The following RYR2 variants were observed in gnomAD, a reference collection of about 807,000 sequenced individuals.
RYR2 encodes ryanodine receptor 2.
In RYR2, 227 loss-of-function variants were observed where a neutral mutation model predicts 601.1. The observed-to-expected ratio is 0.38, with a 90% CI of 0.34 to 0.42. The LOEUF is 0.42. RYR2 is among the 10% of genes least tolerant of loss of function. RYR2 has a pLI of 1.00. For synonymous variants in RYR2, 2,223 were observed against 2,175.1 expected (o/e 1.02, Z -0.61); for missense variants, 4,646 against 6,156.5 (o/e 0.75, Z 8.21).
At chr1:237,226,164 A>G (rs1449349138) in intron 1 of RYR2, among the ~76,000 whole-genome samples, 1 of 152,210 alleles carries the variant, frequency 6.6e-6, no homozygotes, top group Non-Finnish European at 1.5e-5. Flanking sequence ...GGAAGGGTTA[A>G]TGATGTTCAG....
intron 1 of RYR2, among the ~76,000 whole-genome samples, chr1:237,098,077 C>A (rs2148498664): frequency 6.6e-6 from 1 of 152,098 alleles, no homozygotes; most frequent in Non-Finnish European, 1.5e-5. Context: ...TATTAATTTC[C>A]CGTAGGAATG....
intron 25 of RYR2, among the ~76,000 whole-genome samples, chr1:237,534,092 C>T (rs764204789): frequency 6.6e-6 from 1 of 152,022 alleles, no homozygotes; most frequent in Non-Finnish European, 1.5e-5. Flanking sequence ...AGAGGTACAT[C>T]AATAACTTTA....
chr1:237,254,498 C>T (rs16835048), intron 1 of RYR2, among the ~76,000 whole-genome samples: 24,003 of 152,108 alleles, frequency 0.16, 2,191 homozygotes, highest in East Asian at 0.34. Context: ...ATGGAATAAT[C>T]GTACACAGTG....
chr1:237,050,796 C>T (rs557310937), intron 1 of RYR2, among the ~76,000 whole-genome samples: 58 of 152,220 alleles, frequency 3.8e-4, no homozygotes, highest in Non-Finnish European at 7.4e-4. Flanking sequence ...AAAATGAAGC[C>T]GAACAGCACA....
rs9699908 is a variant in RYR2 at position 237,092,530 on chromosome 1, T to C, written c.48+49961T>C. Reference sequence around the variant, plus strand: ...ACAGATAGTCTTTTTTTTTTTTTTTTCCTTTTTTTTTGAGACAGAGTCTCA... The same window carrying C: ...ACAGATAGTCTTTTTTTTTTTTTTTCCCTTTTTTTTTGAGACAGAGTCTCA... On this transcript the variant is annotated intron_variant, in intron 1 of 104. Coordinates refer to ENST00000366574, the MANE Select transcript of RYR2 (RefSeq NM_001035.3). Among the ~76,000 whole-genome samples the C allele has an allele frequency of 2.8e-4, 31 of 111,542 alleles. 1 individual carries two copies. Among genetic ancestry groups the C allele is most frequent in the Admixed American group, 1.2e-3 (14 of 11,384 alleles). 73.2% of individuals were successfully genotyped at this position (111,542 alleles called of 152,430 possible).
chr1:237,786,571 T>G (rs1657603792), intron 91 of RYR2, among the ~76,000 whole-genome samples: 1 of 152,226 alleles, frequency 6.6e-6, no homozygotes, highest in African/African-American at 2.4e-5. Context: ...GTGTGGGGCC[T>G]GGGAGCCTTC....
intron 25 of RYR2, among the ~76,000 whole-genome samples, chr1:237,531,011 T>G (rs1334157498): frequency 6.6e-6 from 1 of 152,162 alleles, no homozygotes; most frequent in Admixed American, 6.5e-5. Flanking sequence ...CATTGCTGAG[T>G]GATGAAACAA....
rs1021373903 is a variant in RYR2 at position 237,830,463 on chromosome 1, G to A, written c.14656-67G>A. 13 of 924,992 alleles carry A rather than the reference G, an allele frequency of 1.4e-5. No individual in the cohort carries two copies. The African/African-American group carries it at 2.1e-4, about 15-fold the overall frequency. 57.3% of individuals were successfully genotyped at this position (924,992 alleles called of 1,614,324 possible). A position where few individuals can be genotyped will look rare whatever the true frequency, so the allele number is the denominator to read the frequency against. ...ACCAAATAATAGCTGCCCCTACATG[G>A]CGAGTTGTGTTTTCCTTTTGTTTTG... On this transcript the variant is annotated intron_variant, in intron 102 of 104. Transcript: ENST00000366574.
chr1:237,542,441 C>G (rs1669398255), intron 25 of RYR2, among the ~76,000 whole-genome samples: 1 of 152,092 alleles, frequency 6.6e-6, no homozygotes, highest in Non-Finnish European at 1.5e-5. Flanking sequence ...GATTTATGCC[C>G]CTCTTATTAC....
At chr1:237,152,563 G>T (rs969674937) in intron 1 of RYR2, among the ~76,000 whole-genome samples, 3 of 152,112 alleles carry the variant, frequency 2.0e-5, no homozygotes, top group Non-Finnish European at 1.5e-5. Context: ...GCATGAGATA[G>T]TATCTCATTG....
At position 237,787,878 on chromosome 1, in the gene RYR2, A is replaced by G; in HGVS notation, c.13329-110A>G. The G allele has an allele frequency of 2.1e-5, 22 of 1,062,026 alleles. No homozygotes were observed. The South Asian group carries it at 3.1e-4, about 15-fold the overall frequency. 65.8% of individuals were successfully genotyped at this position (1,062,026 alleles called of 1,614,324 possible). On this transcript the variant is annotated intron_variant, in intron 91 of 104. Coordinates refer to ENST00000366574, the MANE Select transcript of RYR2 (RefSeq NM_001035.3). Reference sequence around the variant, plus strand: ...TTCACCGGAAAAGAAATTAGTTTTCAAAAGTAATATGATGGCCTAAAATAT... The same window carrying G: ...TTCACCGGAAAAGAAATTAGTTTTCGAAAGTAATATGATGGCCTAAAATAT...
At chr1:237,270,357 G>C in intron 1 of RYR2, 140 bp from the exon 2 acceptor site, 1 of 1,215,430 alleles carries the variant, frequency 8.2e-7, no homozygotes, top group Non-Finnish European at 1.2e-6. Flanking sequence ...GGTTTCTTTT[G>C]GTTGTTTTTT....
At chr1:237,604,190 A>G (rs963454919) in intron 35 of RYR2, among the ~76,000 whole-genome samples, 2 of 152,184 alleles carry the variant, frequency 1.3e-5, no homozygotes, top group Non-Finnish European at 2.9e-5. Context: ...CTCCTCAGCA[A>G]ATGTAAAAGA....
rs931521804 is a variant in RYR2, at chr1:237,709,018, C to A, written c.10062C>A (p.Leu3354=). The A allele has an allele frequency of 6.2e-7, 1 of 1,613,370 alleles. No individual in the cohort carries two copies. The highest frequency in any genetic ancestry group is 1.3e-5 in the African/African-American group (1 of 75,028). The change falls in exon 69 of 105, where the codon CTC becomes CTA. Residue 3354 remains leucine (L), a synonymous_variant. Coordinates refer to ENST00000366574, the MANE Select transcript of RYR2 (RefSeq NM_001035.3). ...ARGDMSEAEL[L]ILDEFTTLAR... ...GGGACATGTCGGAGGCAGAACTCCT[C>A]ATCCTAGATGAGTTCACCACACTGG...
intron 3 of RYR2, among the ~76,000 whole-genome samples, chr1:237,339,930 G>A (rs1372433637): frequency 2.0e-5 from 3 of 152,112 alleles, no homozygotes; most frequent in Non-Finnish European, 2.9e-5. Context: ...TTATTTACTC[G>A]CAAGAGAAAA....
At chr1:237,334,008 C>T (rs774418251) in intron 3 of RYR2, among the ~76,000 whole-genome samples, 27 of 152,194 alleles carry the variant, frequency 1.8e-4, no homozygotes, top group African/African-American at 4.1e-4. Flanking sequence ...TAATTTCTTA[C>T]GTAATTCAGT....
At chr1:237,731,114 A>G (rs557645752) in intron 77 of RYR2, among the ~76,000 whole-genome samples, 1 of 152,290 alleles carries the variant, frequency 6.6e-6, no homozygotes, top group South Asian at 2.1e-4. Flanking sequence ...CCCATATTTT[A>G]AAATGATTTT....
intron 14 of RYR2, among the ~76,000 whole-genome samples, chr1:237,448,349 T>C (rs1572375057): frequency 6.6e-6 from 1 of 152,214 alleles, no homozygotes. Flanking sequence ...TTAATGCCAT[T>C]ATGGTCAGAG....
At chr1:237,250,657 C>A (rs1386823037) in intron 1 of RYR2, among the ~76,000 whole-genome samples, 2 of 152,172 alleles carry the variant, frequency 1.3e-5, no homozygotes, top group Non-Finnish European at 2.9e-5. Context: ...ACTTATACAT[C>A]CTTTCACCCG....
Sources: allele counts gnomAD v4.1 joint callset (sites outside exome capture counted in the v4.1 genomes callset), GRCh38; gene constraint gnomAD v4.1.1; transcripts MANE v1.5; gene names NCBI Gene and HGNC (gene_info 2026-07-23, HGNC 2026-07-21).